TRPM3: variants seen among roughly 807,000 people sequenced by gnomAD.
The protein encoded by TRPM3 is transient receptor potential cation channel subfamily M member 3.
TRPM3 carries 77 observed loss-of-function variants against 181.2 expected under a neutral mutation model. The observed-to-expected ratio is 0.42, with a 90% CI of 0.35 to 0.51. The LOEUF (loss-of-function observed/expected upper bound fraction) is 0.51. Among genes scored for constraint, TRPM3 ranks in the 20% least tolerant of loss-of-function variants. TRPM3 has a pLI of 0.01. For synonymous variants in TRPM3, 745 were observed against 796.4 expected, an observed-to-expected ratio of 0.94 and a Z score of 1.09; for missense variants, 1,759 against 2,196.7, an observed-to-expected ratio of 0.80 and a Z score of 3.98.
chr9:71,096,596 TCTCTCTCTC>T, intron 1 of TRPM3, among the ~76,000 whole-genome samples: 1 of 119,700 alleles, frequency 8.4e-6, no homozygotes, highest in South Asian at 3.1e-4. Context: ...ACACACTCTC[TCTCTCTCTC>T]TCTCTCTCTC....
At chr9:71,076,604 C>T (rs2063493131) in intron 1 of TRPM3, among the ~76,000 whole-genome samples, 1 of 152,276 alleles carries the variant, frequency 6.6e-6, no homozygotes, top group East Asian at 1.9e-4. Flanking sequence ...CAAGATTGTA[C>T]CTTTCCCTGC....
intron 8 of TRPM3, among the ~76,000 whole-genome samples, chr9:70,692,584 T>C (rs1365989491): frequency 6.6e-6 from 1 of 152,200 alleles, no homozygotes; most frequent in Non-Finnish European, 1.5e-5. Context: ...GGCATGTGCA[T>C]ATGTTGAGAA....
intron 1 of TRPM3, among the ~76,000 whole-genome samples, chr9:71,407,024 A>AT (rs1168463671): frequency 6.6e-6 from 1 of 152,160 alleles, no homozygotes; most frequent in Non-Finnish European, 1.5e-5. Flanking sequence ...TGTGGCTTAA[A>AT]TTCACCAAAT....
intron 1 of TRPM3, among the ~76,000 whole-genome samples, chr9:71,328,152 CCTCT>C (rs968378256): frequency 6.6e-6 from 1 of 151,378 alleles, no homozygotes; most frequent in African/African-American, 2.4e-5. Flanking sequence ...TATTTTCTGA[CCTCT>C]CTGTTTTTTG....
At chr9:70,614,689 C>T (rs1284656891) in intron 18 of TRPM3, among the ~76,000 whole-genome samples, 3 of 152,066 alleles carry the variant, frequency 2.0e-5, no homozygotes, top group African/African-American at 7.2e-5. Flanking sequence ...GTGAGGTAGA[C>T]AACATTATTG....
intron 1 of TRPM3, among the ~76,000 whole-genome samples, chr9:71,103,996 C>T (rs780686974): frequency 2.6e-5 from 4 of 151,842 alleles, no homozygotes; most frequent in South Asian, 2.1e-4. Flanking sequence ...CTAACTGCAA[C>T]GTCCACCTCC....
intron 1 of TRPM3, among the ~76,000 whole-genome samples, chr9:71,435,754 T>C (rs2094023176): frequency 1.3e-5 from 2 of 152,216 alleles, no homozygotes; most frequent in South Asian, 4.1e-4. Context: ...GTGAATATGC[T>C]ACTTTACATG....
At chr9:71,328,538 G>A (rs1335367267) in intron 1 of TRPM3, among the ~76,000 whole-genome samples, 7 of 152,150 alleles carry the variant, frequency 4.6e-5, no homozygotes, top group African/African-American at 1.7e-4. Context: ...CTACAAAAAT[G>A]TCTGTTTTTT....
At chr9:71,181,974 T>C (rs1219841816) in intron 1 of TRPM3, among the ~76,000 whole-genome samples, 1 of 152,152 alleles carries the variant, frequency 6.6e-6, no homozygotes, top group Non-Finnish European at 1.5e-5. Flanking sequence ...GGAATCTGCA[T>C]GTTTACAAGC....
At chr9:70,775,800 T>G (rs564739719) in intron 7 of TRPM3, 1 of 151,710 alleles carries the variant, frequency 6.6e-6, no homozygotes, top group East Asian at 1.9e-4. Flanking sequence ...TTTTTTTTTG[T>G]AGTTTTTTCC....
chr9:71,427,131 T>A (rs1036503562), intron 1 of TRPM3, among the ~76,000 whole-genome samples: 2 of 152,186 alleles, frequency 1.3e-5, no homozygotes, highest in African/African-American at 4.8e-5. Flanking sequence ...TTACGGTATT[T>A]TTTTTCTTCA....
At chr9:70,649,802 A>G (rs569965023) in intron 9 of TRPM3, among the ~76,000 whole-genome samples, 12 of 152,326 alleles carry the variant, frequency 7.9e-5, no homozygotes, top group Non-Finnish European at 1.8e-4. Context: ...CAGCAATCCC[A>G]TTACTGGGCA....
At chr9:70,867,520 A>C (rs1428238179) in intron 1 of TRPM3, among the ~76,000 whole-genome samples, 2 of 152,086 alleles carry the variant, frequency 1.3e-5, no homozygotes, top group Non-Finnish European at 2.9e-5. Flanking sequence ...TGTTAGCAAA[A>C]AGACTGAGAA....
intron 1 of TRPM3, among the ~76,000 whole-genome samples, chr9:71,240,300 C>T (rs2081588634): frequency 6.6e-6 from 1 of 152,110 alleles, no homozygotes; most frequent in African/African-American, 2.4e-5. Context: ...TTGTGATAAT[C>T]TTCAAAATGA....
At chr9:71,442,023 G>A (rs2094142542) in intron 1 of TRPM3, among the ~76,000 whole-genome samples, 2 of 152,206 alleles carry the variant, frequency 1.3e-5, no homozygotes, top group Non-Finnish European at 1.5e-5. Flanking sequence ...GTCAACAACA[G>A]AAACGAATGG....
chr9:71,396,409 C>T (rs767537838), intron 1 of TRPM3, among the ~76,000 whole-genome samples: 2 of 151,864 alleles, frequency 1.3e-5, no homozygotes, highest in Non-Finnish European at 2.9e-5. Context: ...AAAGGTGACA[C>T]GATTTGATCT....
rs546199715 is a variant in TRPM3 at position 71,223,465 on chromosome 9, C to T, written c.183+223188G>A. Among the ~76,000 whole-genome samples the T allele has an allele frequency of 2.0e-5, 3 of 152,274 alleles. No individual in the cohort carries two copies. The East Asian group carries it at 5.8e-4, about 29-fold the overall frequency. On this transcript the variant is annotated intron_variant, in intron 1 of 24. Coordinates refer to the TRPM3 transcript ENST00000357533. Reference sequence around the variant, plus strand: ...TGAGATGTGTTGGCTTTAGGTGTGACCAAGTGTATTTACAACTGTGGTAGC... The same window carrying T: ...TGAGATGTGTTGGCTTTAGGTGTGATCAAGTGTATTTACAACTGTGGTAGC...
chr9:70,827,737 T>C, intron 6 of TRPM3, 110 bp downstream of exon 6: 1 of 1,327,278 alleles, frequency 7.5e-7, no homozygotes, highest in South Asian at 1.4e-5. Flanking sequence ...TAATGGTTCA[T>C]GTTTAAAACT....
intron 1 of TRPM3, among the ~76,000 whole-genome samples, chr9:71,378,094 A>G (rs2092708734): frequency 6.6e-6 from 1 of 152,150 alleles, no homozygotes; most frequent in South Asian, 2.1e-4. Context: ...AGAATATATC[A>G]ATAACTCATA....
Sources: gnomAD v4.1 joint callset for allele counts (sites outside exome capture counted in the v4.1 genomes callset) on GRCh38, gnomAD v4.1.1 for gene constraint, MANE v1.5 for transcripts, NCBI Gene and HGNC (gene_info 2026-07-23, HGNC 2026-07-21) for gene names.